ANK2: variants seen among roughly 807,000 people sequenced by gnomAD.
ANK2 encodes ankyrin-2.
A neutral mutation model predicts 360.5 loss-of-function variants in ANK2; 83 were observed. The observed-to-expected ratio is 0.23, with a 90% confidence interval of 0.19 to 0.28. The LOEUF is 0.28. Ranked by LOEUF, ANK2 falls within the 10% of genes least tolerant of loss-of-function variation. The pLI is 1.00. For missense variants in ANK2, 4,201 were observed against 4,795.7 expected (o/e 0.88, Z 3.66); for synonymous variants, 1,740 against 1,759.5 (o/e 0.99, Z 0.28).
At chr4:112,936,899 C>T (rs1408325779) in intron 2 of ANK2, among the ~76,000 whole-genome samples, 1 of 152,044 alleles carries the variant, frequency 6.6e-6, no homozygotes, top group Non-Finnish European at 1.5e-5. Context: ...AGTGATTCTC[C>T]ACTTCGGCCT....
chr4:112,810,593 C>T, the ANK2 span, among the ~76,000 whole-genome samples: 1 of 152,072 alleles, frequency 6.6e-6, no homozygotes, highest in African/African-American at 2.4e-5. Flanking sequence ...ACTTTGTCAC[C>T]CAGGCTGGAG....
chr4:112,945,444 A>G (rs2094485828), intron 2 of ANK2, among the ~76,000 whole-genome samples: 1 of 152,220 alleles, frequency 6.6e-6, no homozygotes, highest in Admixed American at 6.5e-5. Flanking sequence ...ATAGTGCCTC[A>G]TTACAAAAAT....
intron 12 of ANK2, 41 bp from the exon 13 acceptor site, chr4:113,258,272 C>A: frequency 6.2e-7 from 1 of 1,601,850 alleles, no homozygotes; most frequent in Non-Finnish European, 8.6e-7. Flanking sequence ...CAAAGCCCCA[C>A]CGGTGCAGAG....
rs2093453508 is a variant in ANK2 at position 113,335,810 on chromosome 4, G to T, written c.3380-36G>T. 5 of 1,584,316 alleles carry T rather than the reference G, an allele frequency of 3.2e-6. No individual in the cohort carries two copies. The Admixed American group carries it at 8.3e-5, about 26-fold the overall frequency. On this transcript the variant is annotated intron_variant, in intron 29 of 45. Coordinates refer to ENST00000357077, the MANE Select transcript of ANK2 (RefSeq NM_001148.6). ...AGAATGCTGTTAGAAGGAAATCTTT[G>T]CTATGTGAATGAAGGTGGGTCATTT...
At chr4:113,184,809 T>G (rs2098483637) in intron 2 of ANK2, among the ~76,000 whole-genome samples, 1 of 152,074 alleles carries the variant, frequency 6.6e-6, no homozygotes, top group Non-Finnish European at 1.5e-5. Flanking sequence ...GCTGCACCCA[T>G]CAACCCATCA....
chr4:113,182,479 A>T (rs1341075638), intron 2 of ANK2, among the ~76,000 whole-genome samples: 3 of 152,192 alleles, frequency 2.0e-5, no homozygotes, highest in Non-Finnish European at 4.4e-5. Context: ...GAAAAATAGA[A>T]TAGGTTCAGG....
At chr4:112,955,629 T>C (rs1211787817) in intron 2 of ANK2, among the ~76,000 whole-genome samples, 3 of 152,132 alleles carry the variant, frequency 2.0e-5, no homozygotes, top group Non-Finnish European at 4.4e-5. Flanking sequence ...GAAAGCCTAA[T>C]ATGATGGGAT....
the ANK2 span, among the ~76,000 whole-genome samples, chr4:112,806,880 A>G: frequency 6.6e-6 from 1 of 152,282 alleles, no homozygotes; most frequent in East Asian, 1.9e-4. Context: ...TTTCTTCTGG[A>G]TGTATACTCA....
At chr4:113,351,799 T>G (rs1255062551) in intron 37 of ANK2, among the ~76,000 whole-genome samples, 1 of 152,210 alleles carries the variant, frequency 6.6e-6, no homozygotes, top group Non-Finnish European at 1.5e-5. Context: ...TTTTGAGTGT[T>G]TCAGAAGTTT....
At chr4:112,752,273 G>A in the ANK2 span, among the ~76,000 whole-genome samples, 1 of 152,240 alleles carries the variant, frequency 6.6e-6, no homozygotes, top group African/African-American at 2.4e-5. Flanking sequence ...GTAGATGCCT[G>A]TGCAGGGCAA....
At chr4:112,768,286 C>T in the ANK2 span, among the ~76,000 whole-genome samples, 1 of 152,224 alleles carries the variant, frequency 6.6e-6, no homozygotes, top group East Asian at 1.9e-4. Flanking sequence ...TAAGGTCTCA[C>T]TCTGTCACCC....
intron 1 of ANK2, among the ~76,000 whole-genome samples, chr4:113,086,512 T>C (rs1315676106): frequency 6.6e-6 from 1 of 152,240 alleles, no homozygotes; most frequent in Non-Finnish European, 1.5e-5. Flanking sequence ...CTGGAGACAC[T>C]GCTGTGAATT....
chr4:113,195,601 A>T (rs2153384704), intron 2 of ANK2, among the ~76,000 whole-genome samples: 1 of 152,330 alleles, frequency 6.6e-6, no homozygotes, highest in Non-Finnish European at 1.5e-5. Context: ...TGTATAAGAC[A>T]AGTGGGCTAT....
intron 4 of ANK2, among the ~76,000 whole-genome samples, chr4:113,218,980 G>A (rs187766331): frequency 6.4e-4 from 98 of 152,222 alleles, no homozygotes; most frequent in Non-Finnish European, 1.3e-3. Flanking sequence ...GCACCCTATA[G>A]CGATTGTTAT....
At chr4:112,929,479 T>C (rs571091718) in intron 2 of ANK2, among the ~76,000 whole-genome samples, 1 of 152,364 alleles carries the variant, frequency 6.6e-6, no homozygotes, top group Admixed American at 6.5e-5. Context: ...CTGAACTTGT[T>C]GGCTTGTTGT....
At chr4:112,892,950 T>A (rs1244240574) in intron 1 of ANK2, among the ~76,000 whole-genome samples, 1 of 151,842 alleles carries the variant, frequency 6.6e-6, no homozygotes, top group Non-Finnish European at 1.5e-5. Context: ...CATTTGCACA[T>A]TCTAAAAATA....
At position 113,358,503 on chromosome 4, in the gene ANK2, G is replaced by A. The variant is rs2095967304; in HGVS notation, c.9885G>A (p.Val3295=). The change falls in exon 38 of 46, where the codon GTG becomes GTA. Residue 3295 remains valine, a synonymous_variant. Transcript: ENST00000357077. The part of the protein sequence containing the change: ...IEIPTAPMEN[V]PFTESKSKIP... ...TTCCTACTGCACCCATGGAGAATGT[G>A]CCTTTTACTGAAAGCAAATCCAAAA... 10 of 1,614,082 alleles carry A rather than the reference G, an allele frequency of 6.2e-6. No individual in the cohort carries two copies. The highest frequency in any genetic ancestry group is 8.5e-6 in the Non-Finnish European group (10 of 1,179,974).
Position 113,381,986 on chromosome 4 carries a change from TG to T in ANK2, c.*516del, listed in dbSNP as rs1194269552. On this transcript the variant is annotated 3_prime_UTR_variant, in exon 46 of 46. Transcript: ENST00000357077. ...CTGCAGACCTCTTCAAGTGACACTA[TG>T]TAGGAATCCTTCCAAGGAATATCTA... 1 of 297,100 alleles carries T rather than the reference TG, an allele frequency of 3.4e-6. No individual in the cohort carries two copies. The highest frequency in any genetic ancestry group is 7.8e-5 in the East Asian group (1 of 12,784). The allele number at this position is 297,100 out of a possible 1,614,324, so 18.4% of individuals were successfully genotyped here.
At chr4:113,094,304 C>T (rs534622998) in intron 1 of ANK2, among the ~76,000 whole-genome samples, 2 of 152,256 alleles carry the variant, frequency 1.3e-5, no homozygotes, top group South Asian at 4.1e-4. Context: ...GCTTAAGCAT[C>T]AGATTCATAA....
Sources: gnomAD v4.1 joint callset for allele counts (sites outside exome capture counted in the v4.1 genomes callset) on GRCh38, gnomAD v4.1.1 for gene constraint, MANE v1.5 for transcripts, NCBI Gene and HGNC (gene_info 2026-07-23, HGNC 2026-07-21) for gene names.